The following TENM2 variants were observed in gnomAD, a reference collection of about 807,000 sequenced individuals.
TENM2 encodes teneurin transmembrane protein 2.
Under a neutral mutation model 245.2 loss-of-function variants are expected in TENM2, and 52 were observed. That is an observed-to-expected ratio of 0.21 (90% CI 0.17 to 0.27). TENM2 has a LOEUF of 0.27. Ranked by LOEUF, TENM2 falls within the 10% of genes least tolerant of loss-of-function variation. TENM2 has a pLI of 1.00. For synonymous variants in TENM2, 1,363 were observed against 1,438.9 expected, an observed-to-expected ratio of 0.95 and a Z score of 1.19; for missense variants, 3,046 against 3,666.8, an observed-to-expected ratio of 0.83 and a Z score of 4.37.
In TENM2 at chr5:167,350,733, GGA is replaced by G. The variant is rs1491530279; in HGVS notation, c.227-24464_227-24463del. Among the ~76,000 whole-genome samples, 38 of 122,648 alleles carry G rather than the reference GGA, an allele frequency of 3.1e-4. 2 individuals are homozygous for G. The highest frequency in any genetic ancestry group is 5.5e-4 in the Non-Finnish European group (32 of 58,504). The allele number at this position is 122,648 out of a possible 152,430, so 80.5% of individuals were successfully genotyped here. ...ATATATATATGGGATATATACATAT[GGA>G]TATATATATATGGGATATATACATA... On this transcript the variant is annotated intron_variant, in intron 1 of 28. Coordinates refer to ENST00000518659, the Ensembl canonical transcript of TENM2.
chr5:167,452,120 C>G (rs940287148), intron 2 of TENM2, among the ~76,000 whole-genome samples: 4 of 152,156 alleles, frequency 2.6e-5, no homozygotes, highest in African/African-American at 7.2e-5. Context: ...AAAGTTTAGA[C>G]TTAAGAAACG....
chr5:167,517,852 G>T (rs555180560), intron 2 of TENM2, among the ~76,000 whole-genome samples: 3 of 152,124 alleles, frequency 2.0e-5, no homozygotes, highest in South Asian at 2.1e-4. Flanking sequence ...GATGAGGGGG[G>T]TTGATGGAGT....
chr5:167,920,428 G>C (rs57099174), intron 3 of TENM2, among the ~76,000 whole-genome samples: 6,442 of 150,976 alleles, frequency 0.043, 465 homozygotes, highest in African/African-American at 0.15. Context: ...TGAGGCAGGA[G>C]AATTGCTTGA....
intron 2 of TENM2, among the ~76,000 whole-genome samples, chr5:167,404,096 A>G (rs562144450): frequency 1.6e-4 from 25 of 152,200 alleles, no homozygotes; most frequent in African/African-American, 6.0e-4. Flanking sequence ...CATGAAGAAA[A>G]TGACACTTAT....
At chr5:167,149,307 C>T in the TENM2 span, among the ~76,000 whole-genome samples, 3 of 152,190 alleles carry the variant, frequency 2.0e-5, no homozygotes, top group East Asian at 5.8e-4. Context: ...GCATGAATTA[C>T]TTCTTCAGTT....
At chr5:167,395,742 G>C (rs1461967145) in intron 2 of TENM2, among the ~76,000 whole-genome samples, 1 of 151,966 alleles carries the variant, frequency 6.6e-6, no homozygotes, top group Non-Finnish European at 1.5e-5. Context: ...GACATCCCTA[G>C]GGTATAAAGT....
chr5:167,862,413 T>G (rs1317893968), intron 2 of TENM2, among the ~76,000 whole-genome samples: 1 of 152,232 alleles, frequency 6.6e-6, no homozygotes, highest in Non-Finnish European at 1.5e-5. Flanking sequence ...CCACATCTTT[T>G]TAGCCATAAC....
intron 13 of TENM2, among the ~76,000 whole-genome samples, chr5:168,163,781 T>C (rs187118187): frequency 2.3e-4 from 35 of 152,346 alleles, no homozygotes; most frequent in African/African-American, 7.0e-4. Flanking sequence ...TGTGTCTACA[T>C]GTAAGTGTGC....
chr5:167,629,578 T>C (rs1389281333), intron 2 of TENM2, among the ~76,000 whole-genome samples: 2 of 152,214 alleles, frequency 1.3e-5, no homozygotes, highest in Non-Finnish European at 2.9e-5. Flanking sequence ...GGTACATGAA[T>C]TGACTTCACA....
intron 2 of TENM2, among the ~76,000 whole-genome samples, chr5:167,565,929 A>G (rs896677219): frequency 6.6e-6 from 1 of 152,180 alleles, no homozygotes; most frequent in African/African-American, 2.4e-5. Flanking sequence ...AATCACTGGA[A>G]AAGTGGTTTG....
the TENM2 span, among the ~76,000 whole-genome samples, chr5:167,022,745 C>T: frequency 1.3e-5 from 2 of 152,124 alleles, no homozygotes; most frequent in South Asian, 4.1e-4. Flanking sequence ...AGCATGTACT[C>T]TCCAGACCCC....
chr5:167,101,849 TTATATA>T, the TENM2 span, among the ~76,000 whole-genome samples: 24 of 69,438 alleles, frequency 3.5e-4, 2 homozygotes, highest in Admixed American at 1.1e-3. Flanking sequence ...ATATATATAT[TTATATA>T]TATATATATA....
intron 2 of TENM2, among the ~76,000 whole-genome samples, chr5:167,644,243 T>G (rs1779790581): frequency 6.6e-6 from 1 of 152,210 alleles, no homozygotes; most frequent in Admixed American, 6.5e-5. Flanking sequence ...ACTAAGCAAA[T>G]TAAACAAACT....
At chr5:167,749,108 CA>C (rs912724096) in intron 2 of TENM2, among the ~76,000 whole-genome samples, 1 of 151,962 alleles carries the variant, frequency 6.6e-6, no homozygotes, top group African/African-American at 2.4e-5. Flanking sequence ...GGTTTCATTA[CA>C]TATTTCTTGG....
chr5:167,388,200 T>C (rs555141222), intron 2 of TENM2, among the ~76,000 whole-genome samples: 22 of 152,292 alleles, frequency 1.4e-4, no homozygotes, highest in African/African-American at 5.3e-4. Context: ...CTTCTTGTTA[T>C]TGGTCTGTTC....
chr5:167,255,073 C>CTTT, the TENM2 span, among the ~76,000 whole-genome samples: 1,342 of 125,462 alleles, frequency 0.011, 12 homozygotes, highest in Non-Finnish European at 0.016. Flanking sequence ...CTTTTCTTTT[C>CTTT]TTTTTTTTTT....
intron 3 of TENM2, chr5:167,934,859 CTTAGCT>C: frequency 4.1e-6 from 4 of 985,548 alleles, no homozygotes; most frequent in Non-Finnish European, 4.8e-6. Flanking sequence ...ACGGAGGAGG[CTTAGCT>C]TAGTACGCGT....
intron 2 of TENM2, among the ~76,000 whole-genome samples, chr5:167,560,125 G>A (rs1211645736): frequency 6.6e-6 from 1 of 152,126 alleles, no homozygotes. Context: ...TCAGACCAGT[G>A]CCATCATCAC....
intron 1 of TENM2, among the ~76,000 whole-genome samples, chr5:167,289,494 G>T (rs990277783): frequency 2.0e-5 from 3 of 152,184 alleles, no homozygotes; most frequent in African/African-American, 7.2e-5. Context: ...TTGAAAGTAT[G>T]CTTGCATCAG....
Sources: allele counts gnomAD v4.1 joint callset (sites outside exome capture counted in the v4.1 genomes callset), GRCh38; gene constraint gnomAD v4.1.1; transcripts MANE v1.5; gene names NCBI Gene and HGNC (gene_info 2026-07-23, HGNC 2026-07-21).